Variants in LYRM7 observed in about 807,000 individuals in gnomAD.
LYRM7 encodes LYR motif containing 7.
Under a neutral mutation model 15.8 loss-of-function variants are expected in LYRM7, and 9 were observed. The ratio of observed to expected loss-of-function variants is 0.57; its 90% CI spans 0.34 to 0.99. The LOEUF (loss-of-function observed/expected upper bound fraction) is 0.99, where lower values mean the gene tolerates loss of function less well. Ranked by LOEUF, LYRM7 falls within the 50% of genes least tolerant of loss-of-function variation. The probability of loss-of-function intolerance (pLI) is 0.02; values close to 1 mark genes in which losing one functional copy is unlikely to be tolerated. For synonymous variants in LYRM7, 39 were observed against 39.4 expected, an observed-to-expected ratio of 0.99 and a Z score of 0.04; for missense variants, 115 against 119.1, an observed-to-expected ratio of 0.97 and a Z score of 0.16.
intron 4 of LYRM7, among the ~76,000 whole-genome samples, chr5:131,192,790 C>G (rs973461464): frequency 4.6e-5 from 7 of 152,082 alleles, no homozygotes; most frequent in African/African-American, 1.4e-4. Context: ...CATCATTGGT[C>G]TAGCATAGCC....
At chr5:131,178,166 C>G (rs770035166) in intron 1 of LYRM7, among the ~76,000 whole-genome samples, 1 of 151,924 alleles carries the variant, frequency 6.6e-6, no homozygotes, top group Non-Finnish European at 1.5e-5. Flanking sequence ...TATAGGTTTT[C>G]TAATATACGT....
chr5:131,194,581 G>A (rs1475317867), intron 4 of LYRM7, among the ~76,000 whole-genome samples: 1 of 152,150 alleles, frequency 6.6e-6, no homozygotes. Context: ...TGTTTTGCTG[G>A]CAGGAGTAGC....
intron 1 of LYRM7, among the ~76,000 whole-genome samples, chr5:131,173,573 G>A (rs55639617): frequency 0.029 from 4,478 of 152,170 alleles, 237 homozygotes; most frequent in African/African-American, 0.1. Context: ...GTGAAACCCC[G>A]TCTCTACTAA....
intron 3 of LYRM7, among the ~76,000 whole-genome samples, chr5:131,185,517 C>T (rs1050304146): frequency 1.3e-5 from 2 of 152,168 alleles, no homozygotes; most frequent in Admixed American, 1.3e-4. Context: ...TGTAACATCA[C>T]GCAGTGATGA....
At chr5:131,190,158 A>G (rs1248503877) in intron 4 of LYRM7, among the ~76,000 whole-genome samples, 3 of 151,472 alleles carry the variant, frequency 2.0e-5, no homozygotes, top group Admixed American at 2.0e-4. Context: ...AAGAAAAGAA[A>G]AAAAAAGAAA....
intron 1 of LYRM7, among the ~76,000 whole-genome samples, chr5:131,179,575 C>T (rs2041395947): frequency 6.7e-6 from 1 of 148,976 alleles, no homozygotes; most frequent in African/African-American, 2.5e-5. Context: ...CTCAAGCAAT[C>T]CTCCCACTTC....
chr5:131,181,275 GAAAAAAAAAAAA>G lies in LYRM7; in HGVS notation c.92-937_92-926del, dbSNP rs1195878324. Among the ~76,000 whole-genome samples, 32 of 8,342 alleles carry G rather than the reference GAAAAAAAAAAAA, an allele frequency of 3.8e-3. 3 individuals carry two copies. In the South Asian group the frequency reaches 0.06, roughly 16 times the overall value. The allele number at this position is 8,342 out of a possible 152,430, so 5.5% of individuals were successfully genotyped here. On this transcript the variant is annotated intron_variant, in intron 2 of 4. Coordinates refer to ENST00000379380, the MANE Select transcript of LYRM7 (RefSeq NM_181705.4). ...TGGGCGACAAAGCAAGACTCCATCT[GAAAAAAAAAAAA>G]AAAAAAAAAAAAAAAATATATATAT...
chr5:131,178,961 CAAAAAAAAAAAAAA>C (rs58612746), intron 1 of LYRM7, among the ~76,000 whole-genome samples: 1 of 62,944 alleles, frequency 1.6e-5, no homozygotes, highest in Non-Finnish European at 3.2e-5. Context: ...GACTCCGTCT[CAAAAAAAAAAAAAA>C]AAAAAAAAAG....
intron 3 of LYRM7, among the ~76,000 whole-genome samples, chr5:131,184,312 C>A (rs1364221563): frequency 1.3e-5 from 2 of 151,988 alleles, no homozygotes; most frequent in African/African-American, 4.8e-5. Flanking sequence ...GAAAATTCAG[C>A]CTTACACAGA....
chr5:131,182,731 T>G (rs1182324527), intron 3 of LYRM7, among the ~76,000 whole-genome samples: 1 of 152,252 alleles, frequency 6.6e-6, no homozygotes, highest in Non-Finnish European at 1.5e-5. Flanking sequence ...GAACTATTCT[T>G]GCTTTGCTTT....
intron 4 of LYRM7, among the ~76,000 whole-genome samples, chr5:131,196,914 C>T (rs1266231590): frequency 6.6e-6 from 1 of 152,098 alleles, no homozygotes; most frequent in Non-Finnish European, 1.5e-5. Flanking sequence ...CCTCGGCCTC[C>T]CAAAGTGCTG....
intron 4 of LYRM7, among the ~76,000 whole-genome samples, chr5:131,192,521 G>T (rs1317427912): frequency 6.6e-6 from 1 of 152,024 alleles, no homozygotes; most frequent in African/African-American, 2.4e-5. Context: ...AACTATCACT[G>T]TACCCCTTAA....
At chr5:131,198,649 C>T (rs1310007557) in intron 4 of LYRM7, among the ~76,000 whole-genome samples, 1 of 151,984 alleles carries the variant, frequency 6.6e-6, no homozygotes, top group African/African-American at 2.4e-5. Context: ...TCACTGCAAC[C>T]TCCGCCTCCC....
In LYRM7 at chr5:131,202,511, T is replaced by G. The variant is rs769797380; in HGVS notation, c.*2910T>G. On this transcript the variant is annotated 3_prime_UTR_variant, in exon 5 of 5. Coordinates refer to ENST00000379380, the MANE Select transcript of LYRM7 (RefSeq NM_181705.4). ...TCTCAAAAAAAGAAAAAAAGAAAACTTTTTTACACATGGGTATCTCACCAT... is the reference window on the plus strand; with the variant it reads ...TCTCAAAAAAAGAAAAAAAGAAAACGTTTTTACACATGGGTATCTCACCAT... The G allele has an allele frequency of 1.3e-5, 2 of 152,326 alleles. No homozygotes were observed. The highest frequency in any genetic ancestry group is 2.4e-5 in the African/African-American group (1 of 41,386). 9.4% of individuals were successfully genotyped at this position (152,326 alleles called of 1,614,324 possible).
intron 3 of LYRM7, among the ~76,000 whole-genome samples, chr5:131,183,708 C>T (rs879409687): frequency 5.9e-5 from 9 of 152,134 alleles, no homozygotes; most frequent in Non-Finnish European, 8.8e-5. Flanking sequence ...CTCAGGCATC[C>T]TCTCTAGACC....
In LYRM7 at chr5:131,204,337, A is replaced by G. The variant is rs1208280494; in HGVS notation, c.*4736A>G. 6.6e-6 allele frequency: 1 copy of G among 152,170 alleles called. No homozygotes were observed. The highest frequency in any genetic ancestry group is 1.5e-5 in the Non-Finnish European group (1 of 68,026). The allele number at this position is 152,170 out of a possible 1,614,324, so 9.4% of individuals were successfully genotyped here. Reference sequence around the variant, plus strand: ...TAAATGTGTACTCAGGTATATGTACAGAAATTGCTGTAACATTATAATTTT... The same window carrying G: ...TAAATGTGTACTCAGGTATATGTACGGAAATTGCTGTAACATTATAATTTT... On this transcript the variant is annotated 3_prime_UTR_variant, in exon 5 of 5. Transcript: ENST00000379380.
intron 3 of LYRM7, among the ~76,000 whole-genome samples, chr5:131,183,230 A>G (rs148761866): frequency 1.5e-3 from 222 of 152,292 alleles, no homozygotes; most frequent in African/African-American, 4.8e-3. Flanking sequence ...GAGATAGCCT[A>G]AGTATTCCCT....
chr5:131,188,317 A>G (rs1755830236), intron 4 of LYRM7, among the ~76,000 whole-genome samples: 2 of 152,100 alleles, frequency 1.3e-5, no homozygotes, highest in Admixed American at 6.6e-5. Context: ...ATAACATACA[A>G]ACAAAAAAGT....
At chr5:131,184,946 C>A (rs781073163) in intron 3 of LYRM7, among the ~76,000 whole-genome samples, 2 of 152,112 alleles carry the variant, frequency 1.3e-5, no homozygotes, top group Non-Finnish European at 2.9e-5. Flanking sequence ...ATTCTTCTCT[C>A]ACACTTATAT....
Sources: allele counts gnomAD v4.1 joint callset (sites outside exome capture counted in the v4.1 genomes callset), GRCh38; gene constraint gnomAD v4.1.1; transcripts MANE v1.5; gene names NCBI Gene and HGNC (gene_info 2026-07-23, HGNC 2026-07-21).